Variants in RBFOX1 observed in about 807,000 individuals in gnomAD.
RBFOX1 encodes RNA binding fox-1 homolog 1.
In RBFOX1, 8 loss-of-function variants were observed where a neutral mutation model predicts 57.7. The ratio of observed to expected loss-of-function variants is 0.14; its 90% CI spans 0.08 to 0.25. RBFOX1 has a LOEUF of 0.25. RBFOX1 is among the 10% of genes least tolerant of loss of function. The pLI is 1.00. For synonymous variants in RBFOX1, 326 were observed against 222.4 expected, an observed-to-expected ratio of 1.47 and a Z score of -4.15; for missense variants, 611 against 548.5, an observed-to-expected ratio of 1.11 and a Z score of -1.14.
intron 4 of RBFOX1, among the ~76,000 whole-genome samples, chr16:7,071,405 T>C (rs1480269043): frequency 1.3e-5 from 2 of 152,116 alleles, no homozygotes; most frequent in Non-Finnish European, 2.9e-5. Context: ...TTATTACCCC[T>C]CCTAGCCTCC....
intron 2 of RBFOX1, among the ~76,000 whole-genome samples, chr16:6,418,237 T>G (rs2093678598): frequency 6.6e-6 from 1 of 152,182 alleles, no homozygotes; most frequent in Admixed American, 6.5e-5. Context: ...GCATGCCCAT[T>G]TTAGCCAGTG....
chr16:6,783,223 G>A (rs1231957801), intron 3 of RBFOX1, among the ~76,000 whole-genome samples: 4 of 151,248 alleles, frequency 2.6e-5, no homozygotes, highest in Non-Finnish European at 4.4e-5. Flanking sequence ...AATGAAGTCC[G>A]TTTACACTCA....
chr16:5,955,389 AATAAAATAAAATAAAAT>A lies in RBFOX1; in HGVS notation c.351+88056_351+88072del, dbSNP rs1406766316. 1.6e-3 allele frequency among the ~76,000 whole-genome samples: 120 copies of A among 73,278 alleles called. 2 individuals are homozygous for A. Among genetic ancestry groups the A allele is most frequent in the African/African-American group, 5.6e-3 (114 of 20,314 alleles). The allele number at this position is 73,278 out of a possible 152,430, so 48.1% of individuals were successfully genotyped here. A position where few individuals can be genotyped will look rare whatever the true frequency, so the allele number is the denominator to read the frequency against. ...AATAAAATAAAATAAAATAAAATAAAATAAAATAAAATAAAATAAAATAAAAGTCTTTCCTCAGTGCC... is the reference window on the plus strand; with the variant it reads ...AATAAAATAAAATAAAATAAAATAAAAAAATAAAAGTCTTTCCTCAGTGCC... On this transcript the variant is annotated intron_variant, in intron 4 of 19. Transcript: ENST00000641259.
chr16:5,909,479 G>T (rs921142777), intron 4 of RBFOX1, among the ~76,000 whole-genome samples: 2 of 152,180 alleles, frequency 1.3e-5, no homozygotes, highest in East Asian at 1.9e-4. Flanking sequence ...TTCAGGAAGG[G>T]CCTCCCGTCA....
chr16:7,391,546 C>G (rs1471852188), intron 4 of RBFOX1, among the ~76,000 whole-genome samples: 3 of 152,170 alleles, frequency 2.0e-5, no homozygotes, highest in Admixed American at 6.5e-5. Context: ...TTAAAACTTC[C>G]TTGACCTCAC....
chr16:7,514,982 G>A (rs8064158), intron 4 of RBFOX1, among the ~76,000 whole-genome samples: 141,467 of 152,194 alleles, frequency 0.93, 66,155 homozygotes, highest in Non-Finnish European at 0.99. Context: ...TGCTTATGTG[G>A]TTATTCTGTG....
chr16:5,763,690 G>A (rs1894045330), intron 3 of RBFOX1, among the ~76,000 whole-genome samples: 1 of 152,218 alleles, frequency 6.6e-6, no homozygotes, highest in Admixed American at 6.5e-5. Context: ...TTTGAAAAGC[G>A]ATTTAGCCCC....
rs187797737 is a variant in RBFOX1 at position 6,022,877 on chromosome 16, G to C, written c.-127+2885G>C. Among the ~76,000 whole-genome samples, 11 of 152,228 alleles carry C rather than the reference G, an allele frequency of 7.2e-5. No homozygotes were observed. The East Asian group carries it at 1.9e-3, about 27-fold the overall frequency. Reference sequence around the variant, plus strand: ...TTTTGTTGTGGCAAGAACACAACATGGGCTGTACCCTGTGAAAAGATTTCT... The same window carrying C: ...TTTTGTTGTGGCAAGAACACAACATCGGCTGTACCCTGTGAAAAGATTTCT... On this transcript the variant is annotated intron_variant, in intron 1 of 15. Transcript: ENST00000550418.
At chr16:7,216,172 T>A (rs72765601) in intron 4 of RBFOX1, among the ~76,000 whole-genome samples, 2 of 152,078 alleles carry the variant, frequency 1.3e-5, no homozygotes, top group Non-Finnish European at 2.9e-5. Context: ...TGTATTTACC[T>A]CTTTACTAGT....
intron 4 of RBFOX1, among the ~76,000 whole-genome samples, chr16:7,090,022 ATTCTT>A (rs1473526301): frequency 6.6e-6 from 1 of 151,978 alleles, no homozygotes; most frequent in Non-Finnish European, 1.5e-5. Flanking sequence ...GGGGTTTTCC[ATTCTT>A]TTCTTCTTCT....
chr16:5,590,536 C>A (rs1255750792), intron 2 of RBFOX1, among the ~76,000 whole-genome samples: 1 of 152,106 alleles, frequency 6.6e-6, no homozygotes, highest in African/African-American at 2.4e-5. Context: ...TGGAAGTTGG[C>A]TGCATGCTCT....
chr16:5,941,531 A>C (rs1030115469), intron 4 of RBFOX1, among the ~76,000 whole-genome samples: 2 of 152,016 alleles, frequency 1.3e-5, no homozygotes, highest in Non-Finnish European at 2.9e-5. Context: ...AAAATATACT[A>C]ATATTTACTG....
At chr16:5,267,943 G>T (rs1264142988) in intron 1 of RBFOX1, among the ~76,000 whole-genome samples, 1 of 152,156 alleles carries the variant, frequency 6.6e-6, no homozygotes, top group Admixed American at 6.5e-5. Context: ...GCTTGGCATG[G>T]TGGCACACAC....
In RBFOX1 at chr16:5,523,616, A is replaced by AAAACAAAC. The variant is rs79122543; in HGVS notation, c.258+56384_258+56391dup. ...TGGATGACAAAGTGAGACCCTGTCT[A>AAAACAAAC]AAACAAACAAACAAACAAACAAACA... On this transcript the variant is annotated intron_variant, in intron 2 of 2. Coordinates refer to the RBFOX1 transcript ENST00000585867. 3.0e-3 allele frequency among the ~76,000 whole-genome samples: 450 copies of AAAACAAAC among 151,420 alleles called. 2 individuals are homozygous for AAAACAAAC. The highest frequency in any genetic ancestry group is 4.7e-3 in the Non-Finnish European group (322 of 67,878).
intron 1 of RBFOX1, among the ~76,000 whole-genome samples, chr16:5,354,023 G>A (rs909406030): frequency 6.6e-6 from 1 of 152,056 alleles, no homozygotes; most frequent in South Asian, 2.1e-4. Context: ...CAGAGGAGGA[G>A]ACATTTGGAA....
At chr16:7,185,958 A>G (rs1003598337) in intron 4 of RBFOX1, among the ~76,000 whole-genome samples, 1 of 152,172 alleles carries the variant, frequency 6.6e-6, no homozygotes, top group African/African-American at 2.4e-5. Flanking sequence ...CCTCTGAAGT[A>G]TGTCTCAGCC....
chr16:7,587,565 A>G (rs1416032576), intron 7 of RBFOX1, among the ~76,000 whole-genome samples: 2 of 152,164 alleles, frequency 1.3e-5, no homozygotes, highest in African/African-American at 2.4e-5. Flanking sequence ...AAAAATAATG[A>G]TGTTGCTACA....
intron 3 of RBFOX1, chr16:6,704,817 C>T (rs1231610613): frequency 1.3e-5 from 2 of 152,180 alleles, no homozygotes; most frequent in African/African-American, 4.8e-5. Flanking sequence ...GTTCCTTTCC[C>T]ACCCTCTTTG....
rs147008259 is a variant in RBFOX1 at position 7,429,381 on chromosome 16, C to T, written c.28-88766C>T. On this transcript the variant is annotated intron_variant, in intron 4 of 15. Coordinates refer to ENST00000550418, the MANE Select transcript of RBFOX1 (RefSeq NM_018723.4). ...TCATCAGCTGTTGATTTTGGTGTCA[C>T]CGTCCTCTGAGAAGCCTTCCCTGGC... 7.0e-3 allele frequency among the ~76,000 whole-genome samples: 1,057 copies of T among 151,854 alleles called. 5 individuals carry two copies. The highest frequency in any genetic ancestry group is 0.012 in the Non-Finnish European group (817 of 67,748).
Sources: gnomAD v4.1 joint callset for allele counts (sites outside exome capture counted in the v4.1 genomes callset) on GRCh38, gnomAD v4.1.1 for gene constraint, MANE v1.5 for transcripts, NCBI Gene and HGNC (gene_info 2026-07-23, HGNC 2026-07-21) for gene names.